POLR2B: variants seen among roughly 807,000 people sequenced by gnomAD.
POLR2B encodes DNA-directed RNA polymerase II subunit RPB2.
A neutral mutation model predicts 144.6 loss-of-function variants in POLR2B; 57 were observed. The observed-to-expected ratio is 0.39, with a 90% confidence interval of 0.32 to 0.49. The LOEUF (loss-of-function observed/expected upper bound fraction) is 0.49, where lower values mean the gene tolerates loss of function less well. POLR2B is among the 20% of genes least tolerant of loss of function. The probability of loss-of-function intolerance (pLI) is 0.83; values close to 1 mark genes in which losing one functional copy is unlikely to be tolerated. For missense variants in POLR2B, 595 were observed against 1,467.4 expected (o/e 0.41, Z 9.71); for synonymous variants, 442 against 469.8 (o/e 0.94, Z 0.77).
chr4:57,025,472 G>A lies in POLR2B; in HGVS notation c.3174G>A (p.Lys1058=), dbSNP rs760944064. 1 of 1,611,556 alleles carries A rather than the reference G, an allele frequency of 6.2e-7. No homozygotes were observed. The highest frequency in any genetic ancestry group is 1.1e-5 in the South Asian group (1 of 91,032). The change falls in exon 23 of 25, where the codon AAG becomes AAA. Residue 1058 remains lysine, a synonymous_variant. Transcript: ENST00000314595. ...YQRLKHMVDD[K]IHSRARGPIQ... is the part of the protein sequence containing the mutation. ...GTTTGAAGCATATGGTGGATGATAAGATTCACTCTCGTGCTAGGGGACCTA... is the reference window on the plus strand; with the variant it reads ...GTTTGAAGCATATGGTGGATGATAAAATTCACTCTCGTGCTAGGGGACCTA...
chr4:56,981,279 C>G (rs1722151378), intron 1 of POLR2B, among the ~76,000 whole-genome samples: 1 of 151,396 alleles, frequency 6.6e-6, no homozygotes, highest in Non-Finnish European at 1.5e-5. Context: ...CCCCCAGTTA[C>G]TTAGTTTGTG....
chr4:57,014,540 T>C lies in POLR2B; in HGVS notation c.1801-962T>C, dbSNP rs370802959. On this transcript the variant is annotated intron_variant, in intron 13 of 24. Coordinates refer to ENST00000314595, the MANE Select transcript of POLR2B (RefSeq NM_000938.3). ...TTTTTTGAGACGGAGTCTTGCTCTG[T>C]TGCCCAGGCTGGAGTGCAGTGGCGT... Among the ~76,000 whole-genome samples, 321 of 131,868 alleles carry C rather than the reference T, an allele frequency of 2.4e-3. 3 individuals are homozygous for C. The highest frequency in any genetic ancestry group is 9.1e-3 in the African/African-American group (313 of 34,540). The allele number at this position is 131,868 out of a possible 152,430, so 86.5% of individuals were successfully genotyped here. A position where few individuals can be genotyped will look rare whatever the true frequency, so the allele number is the denominator to read the frequency against.
chr4:57,022,040 T>C, intron 17 of POLR2B, 112 bp from the exon 18 acceptor site: 1 of 631,956 alleles, frequency 1.6e-6, no homozygotes, highest in South Asian at 2.0e-5. Flanking sequence ...TTGTCCCAGA[T>C]TCGTAGTTTA....
At chr4:56,993,245 G>C (rs1292102974) in intron 3 of POLR2B, among the ~76,000 whole-genome samples, 2 of 150,638 alleles carry the variant, frequency 1.3e-5, no homozygotes, top group Non-Finnish European at 3.0e-5. Flanking sequence ...GGAGGCTGCA[G>C]TGAGCCGAGA....
chr4:57,012,523 A>G (rs1216441088), intron 13 of POLR2B, among the ~76,000 whole-genome samples: 1 of 152,282 alleles, frequency 6.6e-6, no homozygotes, highest in African/African-American at 2.4e-5. Flanking sequence ...AATTTTCCCA[A>G]ATCTATACCT....
intron 1 of POLR2B, among the ~76,000 whole-genome samples, chr4:56,984,573 C>A (rs1722259731): frequency 6.6e-6 from 1 of 152,132 alleles, no homozygotes. Context: ...ACTTGCTTCT[C>A]CTGTATGGCA....
In POLR2B at chr4:57,004,082, A is replaced by G. The variant is rs916719085; in HGVS notation, c.901-1164A>G. On this transcript the variant is annotated intron_variant, in intron 7 of 24. Coordinates refer to ENST00000314595, the MANE Select transcript of POLR2B (RefSeq NM_000938.3). ...CACTCTGTTACCCAAGATGGAGTGC[A>G]GTGTCATGATCTTGGCTCACTGCAA... is the stretch of plus-strand genomic sequence containing the variant. 4.9e-5 allele frequency among the ~76,000 whole-genome samples: 6 copies of G among 123,382 alleles called. 1 individual carries two copies. Among genetic ancestry groups the G allele is most frequent in the African/African-American group, 1.3e-4 (4 of 31,744 alleles). 80.9% of individuals were successfully genotyped at this position (123,382 alleles called of 152,430 possible).
Position 57,013,964 on chromosome 4 carries a change from A to G in POLR2B, c.1801-1538A>G, listed in dbSNP as rs1040591022. ...ATGTTTATATTAAAAAAAAAAAAAA[A>G]AGAGAAAAAGACCCATAGAGCTGTA... On this transcript the variant is annotated intron_variant, in intron 13 of 24. Transcript: ENST00000314595. Among the ~76,000 whole-genome samples, 77 of 151,808 alleles carry G rather than the reference A, an allele frequency of 5.1e-4. 1 individual carries two copies. The highest frequency in any genetic ancestry group is 7.5e-4 in the African/African-American group (31 of 41,410).
chr4:56,992,619 GCGCGATCTCGGCTC>G (rs1722554936), intron 3 of POLR2B, among the ~76,000 whole-genome samples: 1 of 146,596 alleles, frequency 6.8e-6, no homozygotes, highest in Non-Finnish European at 1.5e-5. Flanking sequence ...GAATGCAGTG[GCGCGATCTCGGCTC>G]ACTGCAGGCT....
chr4:57,017,688 A>T lies in POLR2B; in HGVS notation c.2283A>T (p.Thr761=). Residue 761 remains threonine (T), a synonymous_variant, in exon 16 of 25, where the codon ACA becomes ACT. Transcript: ENST00000314595. This position sits in a 1 kb window ranked among gnomAD's most constrained non-coding sequence, Gnocchi z 4.8. ...LYYPQKPLVT[T]RSMEYLRFRE... The stretch of plus-strand genomic sequence containing the variant: ...ATCCTCAAAAGCCACTTGTGACTAC[A>T]CGGTCTATGGAATATCTACGATTTA... 6.2e-7 allele frequency: 1 copy of T among 1,613,980 alleles called. No homozygotes were observed. The highest frequency in any genetic ancestry group is 8.5e-7 in the Non-Finnish European group (1 of 1,179,898).
At chr4:57,005,948 AG>A in intron 9 of POLR2B, among the ~76,000 whole-genome samples, 1 of 152,214 alleles carries the variant, frequency 6.6e-6, no homozygotes, top group South Asian at 2.1e-4. Flanking sequence ...TTCCTCTGGT[AG>A]CTTTGTAAGA....
intron 3 of POLR2B, 76 bp downstream of exon 3, chr4:56,990,974 T>A: frequency 7.7e-7 from 1 of 1,294,920 alleles, no homozygotes; most frequent in Non-Finnish European, 1.1e-6. Flanking sequence ...TTACCTGGCT[T>A]AAAGGTTAAA....
At chr4:56,985,625 C>T (rs568908631) in intron 1 of POLR2B, among the ~76,000 whole-genome samples, 6 of 152,332 alleles carry the variant, frequency 3.9e-5, no homozygotes, top group African/African-American at 1.4e-4. Flanking sequence ...TGGTCTCGAA[C>T]TCCTGACCTC....
chr4:57,015,471 T>G (rs1578584438), intron 13 of POLR2B, 31 bp from the exon 14 acceptor site: 38 of 1,224,822 alleles, frequency 3.1e-5, no homozygotes, highest in Non-Finnish European at 4.1e-5. Context: ...AAATAAAAAT[T>G]TGTGGAACTG....
intron 23 of POLR2B, among the ~76,000 whole-genome samples, chr4:57,026,066 G>A (rs191001624): frequency 3.8e-4 from 58 of 152,076 alleles, no homozygotes; most frequent in African/African-American, 1.3e-3. Flanking sequence ...GCAAAACACC[G>A]TCTCTACTAA....
intron 10 of POLR2B, 21 bp from the exon 11 acceptor site, chr4:57,010,340 A>G (rs1345751955): frequency 6.2e-7 from 1 of 1,611,386 alleles, no homozygotes; most frequent in Non-Finnish European, 8.5e-7. Flanking sequence ...CAGACTTTAA[A>G]GATTGGCTAT....
At chr4:56,980,427 T>C (rs1722120715) in intron 1 of POLR2B, among the ~76,000 whole-genome samples, 1 of 152,130 alleles carries the variant, frequency 6.6e-6, no homozygotes, top group African/African-American at 2.4e-5. Flanking sequence ...AATTTAAAAA[T>C]GTTAAAGTGG....
chr4:57,021,959 T>A (rs993715804), intron 17 of POLR2B, among the ~76,000 whole-genome samples, 193 bp from the exon 18 acceptor site: 1 of 152,194 alleles, frequency 6.6e-6, no homozygotes, highest in South Asian at 2.1e-4. Flanking sequence ...AGGTTATGGG[T>A]CAGATGCTAC....
chr4:57,018,465 C>T (rs1723435560), intron 16 of POLR2B, among the ~76,000 whole-genome samples: 1 of 151,970 alleles, frequency 6.6e-6, no homozygotes, highest in South Asian at 2.1e-4. Context: ...ATTGGAAATA[C>T]TGTTGGTGTT....
Sources: gnomAD v4.1 joint callset for allele counts (sites outside exome capture counted in the v4.1 genomes callset) on GRCh38, gnomAD v4.1.1 for gene constraint, Gnocchi (gnomAD v3.1) non-coding constraint, MANE v1.5 for transcripts, NCBI Gene and HGNC (gene_info 2026-07-23, HGNC 2026-07-21) for gene names.